Variants in NPAS3 observed in about 807,000 individuals in gnomAD.
NPAS3 encodes neuronal PAS domain protein 3, also known as neuronal PAS domain-containing protein 3.
A neutral mutation model predicts 73.1 loss-of-function variants in NPAS3; 14 were observed. The ratio of observed to expected loss-of-function variants is 0.19; its 90% CI spans 0.13 to 0.30. The LOEUF (loss-of-function observed/expected upper bound fraction) is 0.30, where lower values mean the gene tolerates loss of function less well. Ranked by LOEUF, NPAS3 falls within the 10% of genes least tolerant of loss-of-function variation. The pLI, the probability that NPAS3 is intolerant of heterozygous loss-of-function variation, is 1.00. For synonymous variants in NPAS3, 620 were observed against 541.5 expected, an observed-to-expected ratio of 1.14 and a Z score of -2.01; for missense variants, 1,096 against 1,250.0, an observed-to-expected ratio of 0.88 and a Z score of 1.86.
intron 2 of NPAS3, among the ~76,000 whole-genome samples, chr14:33,121,955 A>G (rs1453075185): frequency 2.0e-5 from 3 of 152,292 alleles, no homozygotes; most frequent in African/African-American, 4.8e-5. Flanking sequence ...ATAACTTTCC[A>G]TGAGTACCCT....
chr14:33,340,823 C>T (rs551386735), intron 3 of NPAS3, among the ~76,000 whole-genome samples: 67 of 152,132 alleles, frequency 4.4e-4, no homozygotes, highest in African/African-American at 1.4e-3. Context: ...AAGGTGCTTG[C>T]GAAAGAAATC....
rs567926963 is a variant in NPAS3 at position 33,456,298 on chromosome 14, T to A, written c.468+89030T>A. 3.3e-5 allele frequency among the ~76,000 whole-genome samples: 5 copies of A among 152,316 alleles called. No individual in the cohort carries two copies. The South Asian group carries it at 1.0e-3, about 32-fold the overall frequency. On this transcript the variant is annotated intron_variant, in intron 4 of 11. Transcript: ENST00000356141. ...TATCATAGGTGACAATCAAGTTTGT[T>A]ATAAAAATAGTAAATGCCCAGGATT...
intron 1 of NPAS3, among the ~76,000 whole-genome samples, chr14:33,045,024 C>T (rs995918469): frequency 6.6e-6 from 1 of 152,094 alleles, no homozygotes; most frequent in African/African-American, 2.4e-5. Flanking sequence ...ACCATAGTTA[C>T]TTTGACACAG....
chr14:33,554,341 G>A (rs2055256078), intron 4 of NPAS3, among the ~76,000 whole-genome samples: 1 of 152,210 alleles, frequency 6.6e-6, no homozygotes, highest in Non-Finnish European at 1.5e-5. Flanking sequence ...GGAAAGTTGA[G>A]TATGTCAGAG....
intron 4 of NPAS3, among the ~76,000 whole-genome samples, chr14:33,519,511 C>T (rs2053462626): frequency 6.6e-6 from 1 of 152,144 alleles, no homozygotes; most frequent in Admixed American, 6.5e-5. Flanking sequence ...GATTTGAAGT[C>T]AGAGCCATCT....
At chr14:33,526,509 A>G (rs578093463) in intron 4 of NPAS3, among the ~76,000 whole-genome samples, 50 of 152,014 alleles carry the variant, frequency 3.3e-4, no homozygotes, top group African/African-American at 1.1e-3. Context: ...TTACAGGCTG[A>G]TTCTGTAAAA....
chr14:33,716,698 T>C (rs1011491781), intron 6 of NPAS3, among the ~76,000 whole-genome samples: 1 of 152,152 alleles, frequency 6.6e-6, no homozygotes, highest in Non-Finnish European at 1.5e-5. Flanking sequence ...GTTCTAGATA[T>C]GTCATATAAG....
chr14:33,781,684 TGAAA>T (rs2062983509), intron 9 of NPAS3, among the ~76,000 whole-genome samples: 2 of 152,388 alleles, frequency 1.3e-5, no homozygotes. Context: ...GGTTCTGTCC[TGAAA>T]GATAGGTTGT....
chr14:33,687,405 T>C (rs1430618886), intron 6 of NPAS3, among the ~76,000 whole-genome samples: 24 of 152,198 alleles, frequency 1.6e-4, no homozygotes, highest in Admixed American at 1.6e-3. Flanking sequence ...CTCTCACTCA[T>C]CAGAGGGCAT....
intron 6 of NPAS3, among the ~76,000 whole-genome samples, chr14:33,711,201 G>A (rs1566453854): frequency 6.6e-6 from 1 of 152,156 alleles, no homozygotes; most frequent in South Asian, 2.1e-4. Flanking sequence ...TAAAATTAAT[G>A]TGATTTTAAT....
chr14:33,650,310 A>G (rs1041120540), intron 5 of NPAS3, among the ~76,000 whole-genome samples: 10 of 152,242 alleles, frequency 6.6e-5, no homozygotes, highest in Non-Finnish European at 1.0e-4. Context: ...ACAGACAGAC[A>G]GGATGTTTGA....
intron 2 of NPAS3, among the ~76,000 whole-genome samples, chr14:33,211,021 A>C (rs1287457483): frequency 6.6e-6 from 1 of 152,198 alleles, no homozygotes; most frequent in Non-Finnish European, 1.5e-5. Context: ...AAGAACAATC[A>C]ATGTGAAGTG....
Position 33,446,268 on chromosome 14 carries a change from C to T in NPAS3, c.468+79000C>T, listed in dbSNP as rs558544328. On this transcript the variant is annotated intron_variant, in intron 4 of 11. Coordinates refer to ENST00000356141, the Ensembl canonical transcript of NPAS3. ...TCGGCTCACTGCAAGCTCCGCTTCCCGGGTTCACGCCATTCTCCTGCCTCA... is the reference window on the plus strand; with the variant it reads ...TCGGCTCACTGCAAGCTCCGCTTCCTGGGTTCACGCCATTCTCCTGCCTCA... 1.1e-4 allele frequency among the ~76,000 whole-genome samples: 16 copies of T among 150,042 alleles called. No individual in the cohort carries two copies. In the South Asian group the frequency reaches 1.3e-3, roughly 12 times the overall value.
At position 33,789,583 on chromosome 14, in the gene NPAS3, C is replaced by CTTTTTTTTTTTTTT. The variant is rs10567527; in HGVS notation, c.1154-4304_1154-4291dup. Among the ~76,000 whole-genome samples, 13 of 92,410 alleles carry CTTTTTTTTTTTTTT rather than the reference C, an allele frequency of 1.4e-4. 1 individual carries two copies. The highest frequency in any genetic ancestry group is 3.9e-4 in the African/African-American group (9 of 23,084). 60.6% of individuals were successfully genotyped at this position (92,410 alleles called of 152,430 possible). ...ACTAAAAGTAATTACTAGAGTACAACTTTTTTTTTTTTTTTTTTTTTTTGA... is the reference window on the plus strand; with the variant it reads ...ACTAAAAGTAATTACTAGAGTACAACTTTTTTTTTTTTTTTTTTTTTTTTTTTTTTTTTTTTTGA... On this transcript the variant is annotated intron_variant, in intron 9 of 11. Transcript: ENST00000356141.
intron 5 of NPAS3, among the ~76,000 whole-genome samples, chr14:33,590,514 G>T (rs987252552): frequency 6.6e-6 from 1 of 152,132 alleles, no homozygotes; most frequent in Non-Finnish European, 1.5e-5. Context: ...GATAATAAAG[G>T]TGTCAAGACC....
chr14:33,510,224 A>G (rs968833332), intron 4 of NPAS3, among the ~76,000 whole-genome samples: 2 of 152,014 alleles, frequency 1.3e-5, no homozygotes, highest in South Asian at 2.1e-4. Context: ...GCGGTACTCA[A>G]TTTTCAAAAT....
chr14:33,142,824 CT>C, intron 2 of NPAS3, among the ~76,000 whole-genome samples: 1 of 152,310 alleles, frequency 6.6e-6, no homozygotes, highest in Non-Finnish European at 1.5e-5. Context: ...AGAAATACCA[CT>C]TAGCGGTGGC....
Position 33,167,440 on chromosome 14 carries a change from C to T in NPAS3, c.141-47742C>T, listed in dbSNP as rs546802728. 2.5e-4 allele frequency among the ~76,000 whole-genome samples: 38 copies of T among 152,140 alleles called. 1 individual carries two copies. The highest frequency in any genetic ancestry group is 4.2e-4 in the South Asian group (2 of 4,810). ...ACAGACACACACATACACACACACACGCACGTATATTGTAAAGATAAATTA... is the reference window on the plus strand; with the variant it reads ...ACAGACACACACATACACACACACATGCACGTATATTGTAAAGATAAATTA... On this transcript the variant is annotated intron_variant, in intron 2 of 11. Transcript: ENST00000356141.
intron 3 of NPAS3, among the ~76,000 whole-genome samples, chr14:33,327,329 C>T (rs776958333): frequency 6.6e-6 from 1 of 152,164 alleles, no homozygotes; most frequent in Non-Finnish European, 1.5e-5. Flanking sequence ...AATCTCAACA[C>T]GAGGAAGTAA....
Sources: gnomAD v4.1 joint callset for allele counts (sites outside exome capture counted in the v4.1 genomes callset) on GRCh38, gnomAD v4.1.1 for gene constraint, MANE v1.5 for transcripts, NCBI Gene and HGNC (gene_info 2026-07-23, HGNC 2026-07-21) for gene names.